Variants in LRRC1 observed in about 807,000 individuals in gnomAD.
LRRC1 encodes leucine rich repeat containing 1, also known as leucine-rich repeat-containing protein 1.
A neutral mutation model predicts 69.9 loss-of-function variants in LRRC1; 28 were observed. The ratio of observed to expected loss-of-function variants is 0.40; its 90% CI spans 0.30 to 0.55. The LOEUF is 0.55. Ranked by LOEUF, LRRC1 falls within the 20% of genes least tolerant of loss-of-function variation. The pLI is 0.47. For synonymous variants in LRRC1, 236 were observed against 240.2 expected (o/e 0.98, Z 0.16); for missense variants, 498 against 609.0 (o/e 0.82, Z 1.92).
At chr6:53,879,461 T>C (rs1767191435) in intron 3 of LRRC1, among the ~76,000 whole-genome samples, 1 of 152,098 alleles carries the variant, frequency 6.6e-6, no homozygotes, top group Admixed American at 6.5e-5. Context: ...AATTTTTGTA[T>C]TTTTAGTAGA....
At chr6:53,829,418 C>T (rs919406209) in intron 1 of LRRC1, among the ~76,000 whole-genome samples, 8 of 152,152 alleles carry the variant, frequency 5.3e-5, no homozygotes, top group Non-Finnish European at 1.2e-4. Flanking sequence ...TGAAATTAGA[C>T]TTTGAAAACC....
rs1768168036 is a variant in LRRC1, at chr6:53,904,463, G to A, written c.990+1G>A. ...TAAATTAGTGTCCTTACCAAAAGAGGTATGTGCTTTTAGAGAAATCACATG... is the reference window on the plus strand; with the variant it reads ...TAAATTAGTGTCCTTACCAAAAGAGATATGTGCTTTTAGAGAAATCACATG... On this transcript the variant is annotated splice_donor_variant, in intron 10 of 13. Transcript: ENST00000370888. LOFTEE classifies it high-confidence loss of function. 5.0e-6 allele frequency: 8 copies of A among 1,584,276 alleles called. No homozygotes were observed. The highest frequency in any genetic ancestry group is 1.4e-5 in the African/African-American group (1 of 73,960).
intron 1 of LRRC1, among the ~76,000 whole-genome samples, chr6:53,839,837 CTTTG>C (rs1440062347): frequency 5.3e-5 from 8 of 152,072 alleles, no homozygotes; most frequent in Non-Finnish European, 1.2e-4. Context: ...CTTTTGCTTG[CTTTG>C]TTTTCTTTAT....
chr6:53,853,241 C>G (rs1766196633), intron 2 of LRRC1, among the ~76,000 whole-genome samples: 1 of 151,634 alleles, frequency 6.6e-6, no homozygotes, highest in Admixed American at 6.6e-5. Context: ...TTGGGGAATA[C>G]CAACATTCAG....
At chr6:53,863,794 A>T (rs1241712166) in intron 2 of LRRC1, among the ~76,000 whole-genome samples, 1 of 152,152 alleles carries the variant, frequency 6.6e-6, no homozygotes, top group Non-Finnish European at 1.5e-5. Context: ...AACTATTTTG[A>T]TAATAAAAAT....
rs553246156 is a variant in LRRC1 at position 53,809,580 on chromosome 6, T to C, written c.159+14165T>C. 2.0e-5 allele frequency among the ~76,000 whole-genome samples: 3 copies of C among 152,352 alleles called. No homozygotes were observed. In the East Asian group the frequency reaches 5.8e-4, roughly 29 times the overall value. ...TTGTATAAAGGTGGTTTTGGTAAGG[T>C]AAATACAGCAGAAGATATTTACTTG... On this transcript the variant is annotated intron_variant, in intron 1 of 13. Coordinates refer to ENST00000370888, the MANE Select transcript of LRRC1 (RefSeq NM_018214.5).
chr6:53,877,456 G>GT (rs891204070), intron 2 of LRRC1, among the ~76,000 whole-genome samples: 25 of 151,244 alleles, frequency 1.7e-4, no homozygotes, highest in South Asian at 1.3e-3. Context: ...CTCAGAAAAT[G>GT]TTTTTTTTTC....
At chr6:53,812,534 C>G (rs928015997) in intron 1 of LRRC1, among the ~76,000 whole-genome samples, 1 of 151,158 alleles carries the variant, frequency 6.6e-6, no homozygotes, top group Non-Finnish European at 1.5e-5. Flanking sequence ...ACTAAAAATA[C>G]AAAAAATCAG....
chr6:53,809,365 C>A (rs1581844116), intron 1 of LRRC1, among the ~76,000 whole-genome samples: 1 of 152,152 alleles, frequency 6.6e-6, no homozygotes, highest in Non-Finnish European at 1.5e-5. Flanking sequence ...TATTCTCATA[C>A]CTTGATTTTT....
At position 53,795,168 on chromosome 6, in the gene LRRC1, A is replaced by T. The variant is rs563947867; in HGVS notation, c.-89A>T. 79 of 1,178,232 alleles carry T rather than the reference A, an allele frequency of 6.7e-5. No individual in the cohort carries two copies. The South Asian group carries it at 1.1e-3, about 17-fold the overall frequency. 73.0% of individuals were successfully genotyped at this position (1,178,232 alleles called of 1,614,324 possible). On this transcript the variant is annotated 5_prime_UTR_variant, in exon 1 of 14. Coordinates refer to ENST00000370888, the MANE Select transcript of LRRC1 (RefSeq NM_018214.5). Reference sequence around the variant, plus strand: ...AGCCAACAACGAGCGCGGAGAGGGCAGCGGACTGAGCGGAGCCGCCGGCCA... The same window carrying T: ...AGCCAACAACGAGCGCGGAGAGGGCTGCGGACTGAGCGGAGCCGCCGGCCA...
At chr6:53,886,213 T>C (rs1228467335) in intron 4 of LRRC1, among the ~76,000 whole-genome samples, 2 of 152,144 alleles carry the variant, frequency 1.3e-5, no homozygotes, top group Non-Finnish European at 2.9e-5. Flanking sequence ...AACAAAGTAT[T>C]ATGAAGCCAA....
In LRRC1 at chr6:53,902,666, G is replaced by A; in HGVS notation, c.825G>A (p.Gln275=). 6.2e-7 allele frequency: 1 copy of A among 1,612,808 alleles called. No individual in the cohort carries two copies. Among genetic ancestry groups the A allele is most frequent in the Non-Finnish European group, 8.5e-7 (1 of 1,179,420 alleles). Residue 275 remains glutamine (Q), a synonymous_variant, in exon 9 of 14, where the codon CAG becomes CAA. Coordinates refer to ENST00000370888, the MANE Select transcript of LRRC1 (RefSeq NM_018214.5). The part of the protein sequence containing the change: ...LKKLSILKVD[Q]NRLTQLPEAV... ...AACTGTCAATCTTGAAGGTGGATCA[G>A]AATAGACTCACACAGTTGCCTGAAG...
intron 10 of LRRC1, among the ~76,000 whole-genome samples, chr6:53,911,716 C>T (rs1285937249): frequency 6.6e-6 from 1 of 152,202 alleles, no homozygotes; most frequent in African/African-American, 2.4e-5. Context: ...AGCAGGGATG[C>T]GGCAAGGGTG....
chr6:53,918,957 A>G (rs1405825053), intron 11 of LRRC1: 1 of 152,244 alleles, frequency 6.6e-6, no homozygotes, highest in Non-Finnish European at 1.5e-5. Flanking sequence ...GAGAAAGCAA[A>G]TGGAGTCCAT....
intron 2 of LRRC1, among the ~76,000 whole-genome samples, chr6:53,878,514 G>A (rs1287360759): frequency 2.6e-5 from 4 of 152,186 alleles, no homozygotes; most frequent in African/African-American, 7.2e-5. Flanking sequence ...TAGATCCCTC[G>A]CATGGGCAGT....
At chr6:53,904,151 T>C (rs1416995584) in intron 9 of LRRC1, among the ~76,000 whole-genome samples, 1 of 152,282 alleles carries the variant, frequency 6.6e-6, no homozygotes, top group East Asian at 1.9e-4. Flanking sequence ...CCCAGGTCTC[T>C]ACTTTTGACT....
chr6:53,850,799 CAT>C (rs1050813123), intron 2 of LRRC1, among the ~76,000 whole-genome samples: 26 of 152,282 alleles, frequency 1.7e-4, no homozygotes, highest in Middle Eastern at 3.4e-3. Context: ...GGCTGTGCTC[CAT>C]AGAGTCTTTC....
chr6:53,883,041 C>A, intron 4 of LRRC1, 65 bp downstream of exon 4: 1 of 956,222 alleles, frequency 1.0e-6, no homozygotes, highest in Non-Finnish European at 1.6e-6. Flanking sequence ...CAGCTCTAGC[C>A]TCCTTCCCTT....
intron 2 of LRRC1, among the ~76,000 whole-genome samples, chr6:53,861,037 C>T (rs1435365681): frequency 2.0e-5 from 3 of 151,948 alleles, no homozygotes; most frequent in Non-Finnish European, 2.9e-5. Context: ...TTTAGGGTGA[C>T]GGGTGAGAGA....
Sources: gnomAD v4.1 joint callset for allele counts (sites outside exome capture counted in the v4.1 genomes callset) on GRCh38, gnomAD v4.1.1 for gene constraint, MANE v1.5 for transcripts, NCBI Gene and HGNC (gene_info 2026-07-23, HGNC 2026-07-21) for gene names.